UBE4B: variants seen among roughly 807,000 people sequenced by gnomAD.
UBE4B encodes the protein ubiquitination factor E4B.
A neutral mutation model predicts 148.1 loss-of-function variants in UBE4B; 27 were observed. The observed-to-expected ratio is 0.18, with a 90% CI of 0.13 to 0.25. The LOEUF (loss-of-function observed/expected upper bound fraction) is 0.25, where lower values mean the gene tolerates loss of function less well. Among genes scored for constraint, UBE4B ranks in the 10% least tolerant of loss-of-function variants. The pLI, the probability that UBE4B is intolerant of heterozygous loss-of-function variation, is 1.00. For synonymous variants in UBE4B, 596 were observed against 619.3 expected (o/e 0.96, Z 0.56); for missense variants, 1,170 against 1,662.4 (o/e 0.70, Z 5.15).
intron 3 of UBE4B, 35 bp downstream of exon 3, chr1:10,095,631 A>G (rs757431752): frequency 6.2e-7 from 1 of 1,612,962 alleles, no homozygotes; most frequent in Non-Finnish European, 8.5e-7. Context: ...ATGCTCTTTT[A>G]TTTAGGGAAA....
intron 25 of UBE4B, among the ~76,000 whole-genome samples, chr1:10,172,239 A>T (rs1454881051): frequency 6.6e-6 from 1 of 152,162 alleles, no homozygotes; most frequent in Admixed American, 6.5e-5. Flanking sequence ...TAGTCATCCC[A>T]TAAAGGGCTG....
At chr1:10,130,268 T>C (rs2101941150) in intron 12 of UBE4B, among the ~76,000 whole-genome samples, 1 of 151,624 alleles carries the variant, frequency 6.6e-6, no homozygotes, top group East Asian at 2.0e-4. Flanking sequence ...AGAGACGGGG[T>C]TTCTCCATGT....
intron 1 of UBE4B, among the ~76,000 whole-genome samples, chr1:10,050,308 G>C (rs1018685069): frequency 6.6e-6 from 1 of 152,310 alleles, no homozygotes; most frequent in South Asian, 2.1e-4. Flanking sequence ...CTGACCTCAG[G>C]TGATCCGCCT....
chr1:10,088,721 C>T (rs1041455277), intron 2 of UBE4B, among the ~76,000 whole-genome samples: 1 of 150,624 alleles, frequency 6.6e-6, no homozygotes, highest in African/African-American at 2.5e-5. Flanking sequence ...CCTCTGTCAC[C>T]CAGGCTGGGG....
At position 10,066,511 on chromosome 1, in the gene UBE4B, C is replaced by T. The variant is rs957113037; in HGVS notation, c.25-5517C>T. Among the ~76,000 whole-genome samples, 6 of 151,968 alleles carry T rather than the reference C, an allele frequency of 3.9e-5. No individual in the cohort carries two copies. In the South Asian group the frequency reaches 1.2e-3, roughly 32 times the overall value. ...GATGTAAATGCATTTTTTGGAGAAA[C>T]ATTGTTGGGCTTAGATTAGGCCTAC... On this transcript the variant is annotated intron_variant, in intron 1 of 27. Transcript: ENST00000343090.
At chr1:10,174,472 G>A (rs575150530) in intron 25 of UBE4B, among the ~76,000 whole-genome samples, 2 of 151,502 alleles carry the variant, frequency 1.3e-5, no homozygotes, top group South Asian at 2.1e-4. Context: ...GAGCCGAGGC[G>A]GGCAGATCAC....
chr1:10,039,061 A>C (rs917450668), intron 1 of UBE4B, among the ~76,000 whole-genome samples: 1 of 151,690 alleles, frequency 6.6e-6, no homozygotes, highest in African/African-American at 2.4e-5. Context: ...CTCCATCAAA[A>C]AAACAAACAA....
intron 5 of UBE4B, among the ~76,000 whole-genome samples, chr1:10,103,842 G>A (rs1195891731): frequency 6.6e-6 from 1 of 152,062 alleles, no homozygotes; most frequent in African/African-American, 2.4e-5. Context: ...TGGCCAGGAC[G>A]GTCTCGATCT....
In UBE4B at chr1:10,130,804, G is replaced by A. The variant is rs763688222; in HGVS notation, c.1902G>A (p.Glu634=). ...VVSQSLQHYL[E]LGRQELFKIL... is the part of the protein sequence containing the mutation. ...GCCAATCATTGCAGCATTACTTAGA[G>A]CTCGGAAGGGTAAGTGTTCAGAAAA... The change falls in exon 14 of 28, where the codon GAG becomes GAA. Residue 634 remains glutamate (E), a synonymous_variant. Transcript: ENST00000343090. The A allele has an allele frequency of 1.2e-6, 2 of 1,613,942 alleles. No individual in the cohort carries two copies. The highest frequency in any genetic ancestry group is 1.7e-6 in the Non-Finnish European group (2 of 1,179,960).
chr1:10,123,878 A>G (rs1478432515), intron 10 of UBE4B, among the ~76,000 whole-genome samples: 7 of 152,120 alleles, frequency 4.6e-5, no homozygotes, highest in African/African-American at 1.7e-4. Flanking sequence ...GGTTCAAGCG[A>G]TTCTCCTGCC....
chr1:10,035,844 C>T (rs1429343185), intron 1 of UBE4B, among the ~76,000 whole-genome samples: 1 of 151,240 alleles, frequency 6.6e-6, no homozygotes, highest in African/African-American at 2.4e-5. Flanking sequence ...CCCGGGTTCA[C>T]GCCATTCTCC....
At chr1:10,102,612 T>C (rs1284453618) in intron 4 of UBE4B, among the ~76,000 whole-genome samples, 1 of 151,892 alleles carries the variant, frequency 6.6e-6, no homozygotes, top group Non-Finnish European at 1.5e-5. Flanking sequence ...GGTTTCACCA[T>C]GTTGGCCAGG....
rs192558957 is a variant in UBE4B, at chr1:10,171,647, C to T, written c.3525+318C>T. On this transcript the variant is annotated intron_variant, in intron 25 of 27. Coordinates refer to ENST00000343090, the MANE Select transcript of UBE4B (RefSeq NM_001105562.3). ...CTGTAATCCCAACACTTTGGGAGGTCGAGGCGGGCAGATCAAGAGGTCAGG... is the reference window on the plus strand; with the variant it reads ...CTGTAATCCCAACACTTTGGGAGGTTGAGGCGGGCAGATCAAGAGGTCAGG... Among the ~76,000 whole-genome samples the T allele has an allele frequency of 2.3e-3, 345 of 152,258 alleles. 2 individuals are homozygous for T. The highest frequency in any genetic ancestry group is 3.0e-3 in the Non-Finnish European group (204 of 68,022).
intron 21 of UBE4B, among the ~76,000 whole-genome samples, chr1:10,154,264 CA>C (rs1265347061): frequency 6.6e-6 from 1 of 150,880 alleles, no homozygotes; most frequent in Non-Finnish European, 1.5e-5. Context: ...AAAAACAAAA[CA>C]AAACAAAATT....
At chr1:10,093,823 T>G (rs1644887029) in intron 2 of UBE4B, among the ~76,000 whole-genome samples, 1 of 152,058 alleles carries the variant, frequency 6.6e-6, no homozygotes, top group Non-Finnish European at 1.5e-5. Context: ...ACCTCCCAAG[T>G]AGCTGGGATT....
chr1:10,113,291 G>T (rs961472654), intron 7 of UBE4B, among the ~76,000 whole-genome samples: 1 of 152,196 alleles, frequency 6.6e-6, no homozygotes, highest in Non-Finnish European at 1.5e-5. Context: ...TCACCAGGGG[G>T]ATGTTGCTAA....
chr1:10,146,903 C>T, intron 18 of UBE4B, 60 bp from the exon 19 acceptor site: 3 of 1,589,466 alleles, frequency 1.9e-6, no homozygotes, highest in East Asian at 2.3e-5. Context: ...CCTGCCCAGT[C>T]CCCCTGTAGG....
At chr1:10,040,412 G>A (rs1643712063) in intron 1 of UBE4B, among the ~76,000 whole-genome samples, 1 of 151,544 alleles carries the variant, frequency 6.6e-6, no homozygotes, top group South Asian at 2.1e-4. Context: ...CCAGGCCTCC[G>A]GCTAATTTTT....
intron 1 of UBE4B, among the ~76,000 whole-genome samples, chr1:10,061,103 T>C (rs1296952653): frequency 6.6e-6 from 1 of 152,024 alleles, no homozygotes. Flanking sequence ...AAGATATAAA[T>C]GAGATGCATT....
Sources: gnomAD v4.1 joint callset for allele counts (sites outside exome capture counted in the v4.1 genomes callset) on GRCh38, gnomAD v4.1.1 for gene constraint, MANE v1.5 for transcripts, NCBI Gene and HGNC (gene_info 2026-07-23, HGNC 2026-07-21) for gene names.